The following KATNBL1 variants were observed in gnomAD, a reference collection of about 807,000 sequenced individuals.
The protein encoded by KATNBL1 is katanin regulatory subunit B1 like 1, also known as KATNB1-like protein 1.
KATNBL1 carries 28 observed loss-of-function variants against 44.7 expected under a neutral mutation model. The observed-to-expected ratio is 0.63, with a 90% CI of 0.46 to 0.86. The LOEUF (loss-of-function observed/expected upper bound fraction) is 0.86. Among genes scored for constraint, KATNBL1 ranks in the 40% least tolerant of loss-of-function variants. The pLI, the probability that KATNBL1 is intolerant of heterozygous loss-of-function variation, is 0.00. For synonymous variants in KATNBL1, 78 were observed against 114.9 expected (o/e 0.68, Z 2.06); for missense variants, 272 against 350.7 (o/e 0.78, Z 1.79).
At chr15:34,143,850 C>T (rs988044331) in intron 9 of KATNBL1, among the ~76,000 whole-genome samples, 1 of 148,686 alleles carries the variant, frequency 6.7e-6, no homozygotes, top group East Asian at 2.0e-4. Flanking sequence ...GCCTGTAGTC[C>T]CAGCTAATCG....
intron 2 of KATNBL1, among the ~76,000 whole-genome samples, chr15:34,161,855 G>A (rs1041063723): frequency 6.6e-6 from 1 of 152,096 alleles, no homozygotes; most frequent in Non-Finnish European, 1.5e-5. Context: ...CTGGAAACTA[G>A]GGGCAAGGAG....
chr15:34,202,316 G>A (rs574944710), intron 1 of KATNBL1, among the ~76,000 whole-genome samples: 6 of 152,232 alleles, frequency 3.9e-5, no homozygotes, highest in African/African-American at 9.6e-5. Flanking sequence ...ACCACCCTAC[G>A]ACACTTGTGC....
chr15:34,184,874 T>G (rs1889677080), intron 1 of KATNBL1, among the ~76,000 whole-genome samples: 1 of 151,832 alleles, frequency 6.6e-6, no homozygotes, highest in African/African-American at 2.4e-5. Flanking sequence ...TGACTGGCCA[T>G]GTTTCATTTT....
At chr15:34,169,637 A>G (rs925569224) in intron 1 of KATNBL1, among the ~76,000 whole-genome samples, 3 of 152,152 alleles carry the variant, frequency 2.0e-5, no homozygotes, top group African/African-American at 4.8e-5. Flanking sequence ...ACACAACAAA[A>G]AAAGAGAATT....
At chr15:34,178,908 G>C (rs768493456) in intron 1 of KATNBL1, among the ~76,000 whole-genome samples, 1 of 152,108 alleles carries the variant, frequency 6.6e-6, no homozygotes, top group Non-Finnish European at 1.5e-5. Context: ...AATATGTGCA[G>C]TATTTCCATA....
At chr15:34,149,889 CA>C (rs1284712997) in intron 4 of KATNBL1, among the ~76,000 whole-genome samples, 1 of 152,132 alleles carries the variant, frequency 6.6e-6, no homozygotes, top group African/African-American at 2.4e-5. Context: ...AAAACAACAA[CA>C]AAAAACAATA....
At chr15:34,154,421 C>T (rs1888574719) in intron 3 of KATNBL1, among the ~76,000 whole-genome samples, 1 of 152,152 alleles carries the variant, frequency 6.6e-6, no homozygotes, top group Admixed American at 6.5e-5. Flanking sequence ...TTCTCATCAA[C>T]TGTTAGGGTT....
rs535650920 is a variant in KATNBL1, at chr15:34,156,465, T to C, written c.118-1781A>G. On this transcript the variant is annotated intron_variant, in intron 2 of 9. Transcript: ENST00000256544. Reference sequence around the variant, plus strand: ...CGCACGAGCATAACAATTGCTTTTGTTTAAAGTGCGGATGAAATATTTTAT... The same window carrying C: ...CGCACGAGCATAACAATTGCTTTTGCTTAAAGTGCGGATGAAATATTTTAT... 2.0e-5 allele frequency among the ~76,000 whole-genome samples: 3 copies of C among 152,348 alleles called. No homozygotes were observed. In the East Asian group the frequency reaches 5.8e-4, roughly 29 times the overall value.
At chr15:34,194,188 C>T (rs1358973884) in intron 1 of KATNBL1, among the ~76,000 whole-genome samples, 2 of 152,200 alleles carry the variant, frequency 1.3e-5, no homozygotes, top group African/African-American at 2.4e-5. Context: ...GATCCACCTG[C>T]CTTGGGCTCA....
intron 5 of KATNBL1, among the ~76,000 whole-genome samples, chr15:34,148,044 T>C (rs1888362170): frequency 6.6e-6 from 1 of 152,060 alleles, no homozygotes; most frequent in African/African-American, 2.4e-5. Flanking sequence ...TTTGTAGAGA[T>C]GGAGTCTTGC....
At chr15:34,167,670 G>C (rs965302714) in intron 1 of KATNBL1, among the ~76,000 whole-genome samples, 7 of 152,086 alleles carry the variant, frequency 4.6e-5, no homozygotes, top group African/African-American at 1.7e-4. Context: ...TGAAATGAAG[G>C]GAAAAATGTT....
At chr15:34,158,021 A>G (rs917944157) in intron 2 of KATNBL1, among the ~76,000 whole-genome samples, 2 of 152,218 alleles carry the variant, frequency 1.3e-5, no homozygotes, top group Admixed American at 6.5e-5. Context: ...AATATTTTAG[A>G]CAACCAATTT....
At chr15:34,172,338 C>T (rs1184163187) in intron 1 of KATNBL1, among the ~76,000 whole-genome samples, 1 of 141,670 alleles carries the variant, frequency 7.1e-6, no homozygotes, top group Non-Finnish European at 1.5e-5. Flanking sequence ...CTCACTGCAA[C>T]CTCTGCCTCC....
chr15:34,157,929 T>C (rs1888686022), intron 2 of KATNBL1, among the ~76,000 whole-genome samples: 2 of 152,218 alleles, frequency 1.3e-5, no homozygotes, highest in African/African-American at 2.4e-5. Flanking sequence ...TTTCAACTAA[T>C]GTTTTGACTA....
At chr15:34,172,064 T>G (rs986318991) in intron 1 of KATNBL1, among the ~76,000 whole-genome samples, 1 of 151,964 alleles carries the variant, frequency 6.6e-6, no homozygotes, top group Non-Finnish European at 1.5e-5. Flanking sequence ...ACATGTACCC[T>G]GGCACTTAAA....
chr15:34,200,225 T>C (rs1890142696), intron 1 of KATNBL1, among the ~76,000 whole-genome samples: 1 of 152,046 alleles, frequency 6.6e-6, no homozygotes, highest in Non-Finnish European at 1.5e-5. Context: ...ATTTCCTGAA[T>C]GATGATTCAT....
chr15:34,173,822 T>A (rs1889245522), intron 1 of KATNBL1, among the ~76,000 whole-genome samples: 3 of 152,132 alleles, frequency 2.0e-5, no homozygotes, highest in Admixed American at 2.0e-4. Context: ...AAAAGAAGTG[T>A]CAACCCAGAA....
At chr15:34,195,481 T>G (rs560888954) in intron 1 of KATNBL1, among the ~76,000 whole-genome samples, 2 of 152,030 alleles carry the variant, frequency 1.3e-5, no homozygotes, top group Non-Finnish European at 2.9e-5. Flanking sequence ...ATGGGTAAAA[T>G]GCGTGTTGCT....
intron 1 of KATNBL1, among the ~76,000 whole-genome samples, chr15:34,192,403 C>CA (rs199991134): frequency 0.049 from 5,204 of 106,860 alleles, 125 homozygotes; most frequent in African/African-American, 0.072. Context: ...GACTCCATCT[C>CA]AAAAAAAAAA....
Sources: allele counts gnomAD v4.1 joint callset (sites outside exome capture counted in the v4.1 genomes callset), GRCh38; gene constraint gnomAD v4.1.1; transcripts MANE v1.5; gene names NCBI Gene and HGNC (gene_info 2026-07-23, HGNC 2026-07-21).